The following UNC79 variants were observed in gnomAD, a reference collection of about 807,000 sequenced individuals.
The protein encoded by UNC79 is protein unc-79 homolog.
In UNC79, 37 loss-of-function variants were observed where a neutral mutation model predicts 283.1. That is an observed-to-expected ratio of 0.13 (90% CI 0.10 to 0.17). The LOEUF (loss-of-function observed/expected upper bound fraction) is 0.17, where lower values mean the gene tolerates loss of function less well. Among genes scored for constraint, UNC79 ranks in the 10% least tolerant of loss-of-function variants. UNC79 has a pLI of 1.00. For missense variants in UNC79, 2,272 were observed against 3,211.1 expected (o/e 0.71, Z 7.07); for synonymous variants, 1,107 against 1,200.2 (o/e 0.92, Z 1.61).
chr14:93,700,746 G>A (rs938901262), intron 47 of UNC79, among the ~76,000 whole-genome samples: 2 of 152,084 alleles, frequency 1.3e-5, no homozygotes, highest in African/African-American at 2.4e-5. Context: ...TGTAGGGCAC[G>A]TAGTTCTTCA....
chr14:93,443,616 G>C (rs891204928), intron 1 of UNC79, among the ~76,000 whole-genome samples: 3 of 151,970 alleles, frequency 2.0e-5, no homozygotes, highest in Non-Finnish European at 4.4e-5. Context: ...GTAGAGACAG[G>C]GTTTCACCAT....
In UNC79 at chr14:93,405,515, CAACA is replaced by C. The variant is rs558595083; in HGVS notation, c.-350-62149_-350-62146del. Among the ~76,000 whole-genome samples, 35 of 152,078 alleles carry C rather than the reference CAACA, an allele frequency of 2.3e-4. No homozygotes were observed. The South Asian group carries it at 5.0e-3, about 22-fold the overall frequency. ...AGTTAACAAAAGTAACCCTCTTTTC[CAACA>C]AACAAAGAATATAAATGCTTCAAGT... On this transcript the variant is annotated intron_variant, in intron 1 of 49. Coordinates refer to the UNC79 transcript ENST00000256339.
chr14:93,431,401 AG>A (rs2055871728), intron 1 of UNC79, among the ~76,000 whole-genome samples: 1 of 149,586 alleles, frequency 6.7e-6, no homozygotes, highest in Admixed American at 6.6e-5. Context: ...GAGTGGGGGA[AG>A]GGGGGTAGCG....
At chr14:93,343,228 TAAAGA>T (rs1172230282) in intron 1 of UNC79, among the ~76,000 whole-genome samples, 2 of 152,258 alleles carry the variant, frequency 1.3e-5, no homozygotes, top group Non-Finnish European at 2.9e-5. Flanking sequence ...GGATAGTTTA[TAAAGA>T]AAAGAGGTTT....
chr14:93,655,418 C>T lies in UNC79; in HGVS notation c.6456+11C>T, dbSNP rs570180351. The T allele has an allele frequency of 3.1e-6, 5 of 1,609,322 alleles. No homozygotes were observed. In the African/African-American group the frequency reaches 6.7e-5, roughly 22 times the overall value. ...GTTTTACCTCTGAAGGTAAGCTGAG[C>T]CGAAGGTTTCATTTTCAATTAATTT... On this transcript the variant is annotated intron_variant, in intron 38 of 48. Coordinates refer to ENST00000555664, the Ensembl canonical transcript of UNC79.
exon 30 of UNC79, chr14:93,622,567 G>T (rs746573395): frequency 1.9e-6 from 3 of 1,613,972 alleles, no homozygotes; most frequent in Non-Finnish European, 2.5e-6. Flanking sequence ...GGGAGCTGAT[G>T]CCAAGTTCAG....
intron 1 of UNC79, among the ~76,000 whole-genome samples, chr14:93,385,230 A>T (rs919114017): frequency 6.6e-6 from 1 of 152,134 alleles, no homozygotes; most frequent in Non-Finnish European, 1.5e-5. Context: ...TTTGATAGGG[A>T]TTGCATTGAA....
intron 40 of UNC79, among the ~76,000 whole-genome samples, chr14:93,672,133 CAA>C (rs2072928142): frequency 6.6e-6 from 1 of 152,112 alleles, no homozygotes; most frequent in South Asian, 2.1e-4. Context: ...AGATATTTCT[CAA>C]AAGACTAAAA....
At position 93,474,514 on chromosome 14, in the gene UNC79, G is replaced by A; in HGVS notation, c.448+121G>A. ...CAATCACCTGAAAGGGCTTTGTGTG[G>A]CTAGAAGCACTACACTGAAACTTCA... On this transcript the variant is annotated intron_variant, in intron 3 of 48. Coordinates refer to ENST00000555664, the Ensembl canonical transcript of UNC79. The surrounding 1 kb of genome is among the most constrained non-coding windows in gnomAD (Gnocchi z 4.1). 1.7e-6 allele frequency: 2 copies of A among 1,161,234 alleles called. No homozygotes were observed. The highest frequency in any genetic ancestry group is 2.7e-5 in the Admixed American group (1 of 36,620). The allele number at this position is 1,161,234 out of a possible 1,614,324, so 71.9% of individuals were successfully genotyped here.
chr14:93,391,699 G>A (rs1277790680), intron 1 of UNC79, among the ~76,000 whole-genome samples: 1 of 152,134 alleles, frequency 6.6e-6, no homozygotes, highest in South Asian at 2.1e-4. Flanking sequence ...AAATTGCTGA[G>A]ATTACAGGTG....
chr14:93,393,463 T>C (rs2140011894), intron 1 of UNC79, among the ~76,000 whole-genome samples: 1 of 152,328 alleles, frequency 6.6e-6, no homozygotes, highest in East Asian at 1.9e-4. Context: ...TTCCCTTCTT[T>C]ATGAAATTGA....
At chr14:93,585,270 C>T (rs1036150874) in intron 20 of UNC79, among the ~76,000 whole-genome samples, 4 of 152,084 alleles carry the variant, frequency 2.6e-5, no homozygotes, top group Admixed American at 6.6e-5. Context: ...ACCAGGGTTC[C>T]CTCAGAGCCT....
chr14:93,465,830 A>G lies in UNC79; in HGVS notation c.23-1841A>G, dbSNP rs531723113. 2.6e-5 allele frequency among the ~76,000 whole-genome samples: 4 copies of G among 152,298 alleles called. No individual in the cohort carries two copies. In the South Asian group the frequency reaches 8.3e-4, roughly 32 times the overall value. On this transcript the variant is annotated intron_variant, in intron 1 of 48. Transcript: ENST00000555664. ...CTCTACAGAAACTTGCTGAATATTA[A>G]AACTTGAGAAAAGTCACAGTAATGC...
chr14:93,547,879 A>G (rs1453664409), intron 14 of UNC79, among the ~76,000 whole-genome samples: 1 of 152,132 alleles, frequency 6.6e-6, no homozygotes, highest in Admixed American at 6.6e-5. Flanking sequence ...CTGTAGTCCC[A>G]GATACTTGGG....
At chr14:93,623,919 A>G (rs1371531919) in intron 30 of UNC79, among the ~76,000 whole-genome samples, 3 of 152,172 alleles carry the variant, frequency 2.0e-5, no homozygotes, top group Non-Finnish European at 4.4e-5. Flanking sequence ...AAAAAAGTTA[A>G]TGGGACTTTA....
At chr14:93,518,989 A>G (rs2060198960) in intron 7 of UNC79, among the ~76,000 whole-genome samples, 1 of 151,950 alleles carries the variant, frequency 6.6e-6, no homozygotes, top group Non-Finnish European at 1.5e-5. Context: ...CTTTAAAACA[A>G]TGTGTATTCC....
At chr14:93,696,064 A>G (rs577626326) in intron 47 of UNC79, among the ~76,000 whole-genome samples, 59 of 152,198 alleles carry the variant, frequency 3.9e-4, no homozygotes, top group African/African-American at 1.4e-3. Flanking sequence ...GGATTCATAC[A>G]GTATATACTT....
At chr14:93,695,901 A>AAAAAAAAAAAAAAAAAAAAAAAAAG (rs2075078347) in intron 47 of UNC79, among the ~76,000 whole-genome samples, 1 of 148,414 alleles carries the variant, frequency 6.7e-6, no homozygotes, top group Non-Finnish European at 1.5e-5. Context: ...AAAAAAAAAA[A>AAAAAAAAAAAAAAAAAAAAAAAAAG]AAAAAAAAAG....
chr14:93,592,963 A>G (rs1185057802), intron 22 of UNC79, among the ~76,000 whole-genome samples: 1 of 152,168 alleles, frequency 6.6e-6, no homozygotes, highest in African/African-American at 2.4e-5. Context: ...TCCGTTAAGC[A>G]CAGGCTGTCC....
Sources: gnomAD v4.1 joint callset for allele counts (sites outside exome capture counted in the v4.1 genomes callset) on GRCh38, gnomAD v4.1.1 for gene constraint, Gnocchi (gnomAD v3.1) non-coding constraint, MANE v1.5 for transcripts, NCBI Gene and HGNC (gene_info 2026-07-23, HGNC 2026-07-21) for gene names.